DRGX: variants seen among roughly 807,000 people sequenced by gnomAD.
DRGX encodes the protein dorsal root ganglia homeobox protein.
Under a neutral mutation model 28.6 loss-of-function variants are expected in DRGX, and 21 were observed. That is an observed-to-expected ratio of 0.73 (90% CI 0.52 to 1.06). The LOEUF (loss-of-function observed/expected upper bound fraction) is 1.06, where lower values mean the gene tolerates loss of function less well. DRGX is among the 50% of genes least tolerant of loss of function. The pLI, the probability that DRGX is intolerant of heterozygous loss-of-function variation, is 0.00. For synonymous variants in DRGX, 136 were observed against 139.1 expected, an observed-to-expected ratio of 0.98 and a Z score of 0.16; for missense variants, 354 against 343.9, an observed-to-expected ratio of 1.03 and a Z score of -0.23.
intron 6 of DRGX, among the ~76,000 whole-genome samples, chr10:49,376,429 A>T (rs1227780877): frequency 6.6e-6 from 1 of 152,094 alleles, no homozygotes; most frequent in African/African-American, 2.4e-5. Flanking sequence ...CTGGAGCCCT[A>T]TGTGCTGTCC....
chr10:49,385,334 A>G (rs1849820583), intron 6 of DRGX, among the ~76,000 whole-genome samples: 1 of 152,132 alleles, frequency 6.6e-6, no homozygotes, highest in African/African-American at 2.4e-5. Context: ...CTTGCAGTGG[A>G]AAGTCCAGAC....
At chr10:49,385,436 G>A (rs1382491138) in intron 6 of DRGX, among the ~76,000 whole-genome samples, 1 of 152,056 alleles carries the variant, frequency 6.6e-6, no homozygotes, top group Non-Finnish European at 1.5e-5. Flanking sequence ...CACCCTCCTC[G>A]CCCCTGGAAC....
intron 6 of DRGX, among the ~76,000 whole-genome samples, chr10:49,380,739 A>G (rs1028538483): frequency 6.6e-6 from 1 of 152,226 alleles, no homozygotes; most frequent in African/African-American, 2.4e-5. Context: ...GGTAAATTTC[A>G]GTAGCAATAA....
intron 4 of DRGX, 58 bp downstream of exon 4, chr10:49,390,074 CA>C (rs1055354870): frequency 1.6e-4 from 241 of 1,502,728 alleles, no homozygotes; most frequent in Admixed American, 7.3e-4. Context: ...GTCATGATGT[CA>C]AAAAAAAGTT....
At chr10:49,379,751 G>C (rs1849754355) in intron 6 of DRGX, among the ~76,000 whole-genome samples, 3 of 152,220 alleles carry the variant, frequency 2.0e-5, no homozygotes, top group African/African-American at 7.2e-5. Context: ...CTCGGTGCAG[G>C]ACCAGGACTG....
In DRGX at chr10:49,387,019, C is replaced by T. The variant is rs184664691; in HGVS notation, c.235-161G>A. On this transcript the variant is annotated intron_variant, in intron 4 of 6. Transcript: ENST00000374139. Reference sequence around the variant, plus strand: ...AGGCCCACAGAGGGGTCAGAAGATCCGCTTAAAAGGTTAGGACAGGCATTT... The same window carrying T: ...AGGCCCACAGAGGGGTCAGAAGATCTGCTTAAAAGGTTAGGACAGGCATTT... Among the ~76,000 whole-genome samples the T allele has an allele frequency of 5.3e-3, 808 of 152,288 alleles. 6 individuals are homozygous for T. Among genetic ancestry groups the T allele is most frequent in the African/African-American group, 0.019 (772 of 41,558 alleles).
intron 6 of DRGX, among the ~76,000 whole-genome samples, chr10:49,374,750 A>G (rs1849699495): frequency 2.0e-5 from 3 of 152,200 alleles, no homozygotes; most frequent in Non-Finnish European, 4.4e-5. Flanking sequence ...GACAGGAAAA[A>G]TTAAGTTAGC....
At chr10:49,382,363 T>A (rs1272928421) in intron 6 of DRGX, among the ~76,000 whole-genome samples, 1 of 152,130 alleles carries the variant, frequency 6.6e-6, no homozygotes, top group Non-Finnish European at 1.5e-5. Context: ...AGCACCAGCA[T>A]GCATGCTGTG....
intron 6 of DRGX, among the ~76,000 whole-genome samples, chr10:49,373,753 C>T (rs529847641): frequency 1.5e-3 from 234 of 152,222 alleles, no homozygotes; most frequent in African/African-American, 5.2e-3. Flanking sequence ...CCCGGGTTTA[C>T]GGTATTTAGT....
At chr10:49,366,986 T>C (rs563026843) in intron 6 of DRGX, among the ~76,000 whole-genome samples, 10 of 152,178 alleles carry the variant, frequency 6.6e-5, no homozygotes, top group East Asian at 1.9e-4. Context: ...TGGAGTCTAA[T>C]AGGATTCCAA....
chr10:49,369,628 C>T (rs369949413), intron 6 of DRGX, among the ~76,000 whole-genome samples: 322 of 152,234 alleles, frequency 2.1e-3, no homozygotes, highest in African/African-American at 7.3e-3. Flanking sequence ...CCGGTCAGAG[C>T]TTCGGTTTTG....
intron 6 of DRGX, among the ~76,000 whole-genome samples, chr10:49,383,103 C>A (rs1312587941): frequency 6.6e-6 from 1 of 152,210 alleles, no homozygotes; most frequent in Non-Finnish European, 1.5e-5. Flanking sequence ...CAGAAGACCT[C>A]ACTTCCAGAA....
At chr10:49,369,894 T>C (rs1849636649) in intron 6 of DRGX, among the ~76,000 whole-genome samples, 1 of 151,932 alleles carries the variant, frequency 6.6e-6, no homozygotes, top group Non-Finnish European at 1.5e-5. Context: ...GCAACAATCT[T>C]CAAAGCCCCT....
chr10:49,394,977 G>C (rs1410281477), intron 2 of DRGX, among the ~76,000 whole-genome samples: 1 of 152,236 alleles, frequency 6.6e-6, no homozygotes, highest in African/African-American at 2.4e-5. Flanking sequence ...GCCCAGCGAC[G>C]GGCCCTTGTA....
At chr10:49,382,705 C>G (rs1256876512) in intron 6 of DRGX, among the ~76,000 whole-genome samples, 2 of 152,184 alleles carry the variant, frequency 1.3e-5, no homozygotes, top group African/African-American at 2.4e-5. Flanking sequence ...GGGCACTCTC[C>G]CATAGGCACC....
intron 6 of DRGX, among the ~76,000 whole-genome samples, chr10:49,367,956 C>T (rs779218280): frequency 1.3e-5 from 2 of 152,160 alleles, no homozygotes; most frequent in Admixed American, 6.5e-5. Flanking sequence ...CAGGGGCAGC[C>T]GGAGCTACAC....
chr10:49,384,866 C>T lies in DRGX; in HGVS notation c.526+1612G>A, dbSNP rs569051663. Among the ~76,000 whole-genome samples, 512 of 152,338 alleles carry T rather than the reference C, an allele frequency of 3.4e-3. 1 individual carries two copies. The highest frequency in any genetic ancestry group is 0.011 in the African/African-American group (465 of 41,578). On this transcript the variant is annotated intron_variant, in intron 6 of 6. Coordinates refer to ENST00000374139, the MANE Select transcript of DRGX (RefSeq NM_001276451.2). ...GGGCCTCAGCTCAGCCTATCAGAGA[C>T]GCCGTGGGAATCACTTCCTATTCAT...
At chr10:49,385,074 T>C (rs935307221) in intron 6 of DRGX, among the ~76,000 whole-genome samples, 5 of 152,138 alleles carry the variant, frequency 3.3e-5, no homozygotes, top group African/African-American at 9.7e-5. Flanking sequence ...CCCCTTCTAA[T>C]TGGCTGCCTG....
At chr10:49,395,789 A>C (rs909052127) in intron 1 of DRGX, 146 bp downstream of exon 1, 27 of 362,858 alleles carry the variant, frequency 7.4e-5, no homozygotes, top group Non-Finnish European at 5.6e-5. Flanking sequence ...CTGGGGTCCC[A>C]GCCAGAAGCC....
Sources: gnomAD v4.1 joint callset for allele counts (sites outside exome capture counted in the v4.1 genomes callset) on GRCh38, gnomAD v4.1.1 for gene constraint, MANE v1.5 for transcripts, NCBI Gene and HGNC (gene_info 2026-07-23, HGNC 2026-07-21) for gene names.